ZC3H3: variants seen among roughly 807,000 people sequenced by gnomAD.
The protein encoded by ZC3H3 is zinc finger CCCH domain-containing protein 3.
ZC3H3 carries 36 observed loss-of-function variants against 77.3 expected under a neutral mutation model. The ratio of observed to expected loss-of-function variants is 0.47; its 90% CI spans 0.36 to 0.61. The LOEUF (loss-of-function observed/expected upper bound fraction) is 0.61, where lower values mean the gene tolerates loss of function less well. ZC3H3 is among the 20% of genes least tolerant of loss of function. The pLI is 0.00. For missense variants in ZC3H3, 1,331 were observed against 1,312.2 expected (o/e 1.01, Z -0.22); for synonymous variants, 626 against 555.2 (o/e 1.13, Z -1.79).
intron 3 of ZC3H3, among the ~76,000 whole-genome samples, chr8:143,509,495 C>T (rs937348185): frequency 6.6e-6 from 1 of 152,200 alleles, no homozygotes; most frequent in Non-Finnish European, 1.5e-5. Context: ...GCCATGGGGC[C>T]GGGCCTCAGG....
intron 4 of ZC3H3, among the ~76,000 whole-genome samples, chr8:143,501,222 A>G (rs965549012): frequency 4.0e-5 from 6 of 151,666 alleles, no homozygotes; most frequent in African/African-American, 1.2e-4. Context: ...TGTTTTTGAG[A>G]CAGGGTCTTG....
chr8:143,521,859 C>T (rs957450636), intron 3 of ZC3H3, among the ~76,000 whole-genome samples: 2 of 152,188 alleles, frequency 1.3e-5, no homozygotes, highest in African/African-American at 2.4e-5. Context: ...CCCACCATCC[C>T]AACAATGCAG....
intron 4 of ZC3H3, among the ~76,000 whole-genome samples, chr8:143,479,881 A>C (rs1324877335): frequency 9.9e-5 from 15 of 152,220 alleles, no homozygotes. Context: ...ACACACTACA[A>C]AAGCAGGTGT....
intron 3 of ZC3H3, among the ~76,000 whole-genome samples, chr8:143,515,387 A>G (rs1378416856): frequency 1.3e-5 from 2 of 152,236 alleles, no homozygotes; most frequent in African/African-American, 4.8e-5. Context: ...ACTGATGAGC[A>G]CACAAACCGG....
chr8:143,541,227 C>A, intron 1 of ZC3H3, 149 bp downstream of exon 1: 1 of 1,462,852 alleles, frequency 6.8e-7, no homozygotes. Context: ...AGCCGGCCCA[C>A]AAGTCCTGGC....
chr8:143,538,578 C>T lies in ZC3H3; in HGVS notation c.789G>A (p.Arg263=). 1.2e-6 allele frequency: 2 copies of T among 1,610,932 alleles called. No individual in the cohort carries two copies. The highest frequency in any genetic ancestry group is 2.2e-5 in the East Asian group (1 of 44,886). Residue 263 remains arginine (R), a synonymous_variant, in exon 2 of 12, where the codon AGG becomes AGA. Transcript: ENST00000262577. ...GATCTGTGTGGCCAGCATCTACTCTCCTGTCCCCAAGGAGCTGTGGAGCAC... is the reference window on the plus strand; with the variant it reads ...GATCTGTGTGGCCAGCATCTACTCTTCTGTCCCCAAGGAGCTGTGGAGCAC... ...ASCAPQLLGD[R]RVDAGHTDQP...
At chr8:143,452,110 C>T (rs1299376439) in intron 9 of ZC3H3, among the ~76,000 whole-genome samples, 1 of 152,258 alleles carries the variant, frequency 6.6e-6, no homozygotes, top group East Asian at 1.9e-4. Flanking sequence ...TTCCAGCCAA[C>T]ACGCAAAACC....
At chr8:143,463,236 C>T (rs1820313708) in intron 9 of ZC3H3, among the ~76,000 whole-genome samples, 1 of 151,912 alleles carries the variant, frequency 6.6e-6, no homozygotes, top group African/African-American at 2.4e-5. Flanking sequence ...CCACCTGCCT[C>T]GGCCTCCCAA....
rs1453152083 is a variant in ZC3H3, at chr8:143,493,538, G to T, written c.1715+14208C>A. ...GATGCCAGCTCAGCCCTGCTGCCAT[G>T]GGCACTGCCAAGGACTCCACTCACA... On this transcript the variant is annotated intron_variant, in intron 4 of 11. Transcript: ENST00000262577. This position sits in a 1 kb window ranked among gnomAD's most constrained non-coding sequence, Gnocchi z 4.8. 6.6e-6 allele frequency among the ~76,000 whole-genome samples: 1 copy of T among 152,216 alleles called. No homozygotes were observed. Among genetic ancestry groups the T allele is most frequent in the East Asian group, 1.9e-4 (1 of 5,196 alleles).
intron 9 of ZC3H3, among the ~76,000 whole-genome samples, chr8:143,452,864 T>C (rs1820023438): frequency 6.6e-6 from 1 of 152,198 alleles, no homozygotes; most frequent in Admixed American, 6.5e-5. Context: ...TAACTGGAGA[T>C]GCAGAAACAG....
chr8:143,453,952 A>C (rs1254503820), intron 9 of ZC3H3, among the ~76,000 whole-genome samples: 2 of 152,254 alleles, frequency 1.3e-5, no homozygotes, highest in African/African-American at 4.8e-5. Context: ...GGTAAGCACT[A>C]CAAAAGCTAT....
At chr8:143,532,550 C>A (rs75813254) in intron 3 of ZC3H3, among the ~76,000 whole-genome samples, 2,709 of 152,380 alleles carry the variant, frequency 0.018, 79 homozygotes, top group African/African-American at 0.062. Flanking sequence ...ACAGCCCACA[C>A]GACCCCAGCA....
intron 9 of ZC3H3, among the ~76,000 whole-genome samples, chr8:143,463,227 C>T (rs2129858159): frequency 6.6e-6 from 1 of 152,024 alleles, no homozygotes; most frequent in Admixed American, 6.5e-5. Context: ...TCAGGTGATC[C>T]ACCTGCCTCG....
chr8:143,530,356 T>C lies in ZC3H3; in HGVS notation c.1561+5901A>G, dbSNP rs565024143. ...GGCCACCGGCATGCATCCACCATCC[T>C]GGGTGGGTGAAGCAGAGAGGGCCCT... On this transcript the variant is annotated intron_variant, in intron 3 of 11. Transcript: ENST00000262577. The surrounding 1 kb of genome is among the most constrained non-coding windows in gnomAD (Gnocchi z 4.3). Among the ~76,000 whole-genome samples the C allele has an allele frequency of 1.4e-3, 209 of 152,306 alleles. No individual in the cohort carries two copies. The highest frequency in any genetic ancestry group is 4.8e-3 in the African/African-American group (199 of 41,562).
intron 3 of ZC3H3, among the ~76,000 whole-genome samples, chr8:143,531,808 T>G (rs567838221): frequency 6.6e-6 from 1 of 152,264 alleles, no homozygotes; most frequent in Admixed American, 6.5e-5. Flanking sequence ...TTCTTTTTAT[T>G]AGCCCCCTTA....
In ZC3H3 at chr8:143,447,423, T is replaced by C. The variant is rs181239209; in HGVS notation, c.2308-6303A>G. ...CCAAAATCAGTGACTTCATGGAATGTAGTATCTTGGAACAGAAAACAGCAT... is the reference window on the plus strand; with the variant it reads ...CCAAAATCAGTGACTTCATGGAATGCAGTATCTTGGAACAGAAAACAGCAT... On this transcript the variant is annotated intron_variant, in intron 9 of 11. Coordinates refer to ENST00000262577, the MANE Select transcript of ZC3H3 (RefSeq NM_015117.3). Among the ~76,000 whole-genome samples, 3 of 152,290 alleles carry C rather than the reference T, an allele frequency of 2.0e-5. No homozygotes were observed. The East Asian group carries it at 5.8e-4, about 29-fold the overall frequency.
intron 4 of ZC3H3, among the ~76,000 whole-genome samples, chr8:143,490,823 G>A (rs1821180748): frequency 6.6e-6 from 1 of 152,208 alleles, no homozygotes; most frequent in African/African-American, 2.4e-5. Context: ...GCTGAAGTGG[G>A]AGAATTGCTT....
rs1267723769 is a variant in ZC3H3, at chr8:143,538,639, A to C, written c.728T>G (p.Leu243Arg). The C allele has an allele frequency of 1.2e-6, 2 of 1,608,948 alleles. No homozygotes were observed. The highest frequency in any genetic ancestry group is 1.3e-5 in the African/African-American group (1 of 75,076). ...GGAATGAGAACCCAGCTTCCGGCCC[A>C]GGGCCACGCCAGTGCGTGGGGGCAG... The part of the protein sequence containing the change: ...SALPPRTGVA[L>R]GRKLGSHSVA... Residue 243 changes from leucine (L) to arginine (R), a missense_variant, in exon 2 of 12, where the codon CTG becomes CGG. Transcript: ENST00000262577.
At chr8:143,438,403 C>T (rs995351328) in intron 11 of ZC3H3, among the ~76,000 whole-genome samples, 3 of 152,200 alleles carry the variant, frequency 2.0e-5, no homozygotes, top group African/African-American at 7.2e-5. Context: ...GCAGTCCCGG[C>T]CACAAGGTCT....
Sources: gnomAD v4.1 joint callset for allele counts (sites outside exome capture counted in the v4.1 genomes callset) on GRCh38, gnomAD v4.1.1 for gene constraint, Gnocchi (gnomAD v3.1) non-coding constraint, MANE v1.5 for transcripts, NCBI Gene and HGNC (gene_info 2026-07-23, HGNC 2026-07-21) for gene names.